The following NSUN4 variants were observed in gnomAD, a reference collection of about 807,000 sequenced individuals.
NSUN4 encodes the protein 5-cytosine rRNA methyltransferase NSUN4.
NSUN4 carries 31 observed loss-of-function variants against 43.8 expected under a neutral mutation model. That is an observed-to-expected ratio of 0.71 (90% CI 0.53 to 0.96). The LOEUF (loss-of-function observed/expected upper bound fraction) is 0.96. NSUN4 is among the 40% of genes least tolerant of loss of function. The pLI, the probability that NSUN4 is intolerant of heterozygous loss-of-function variation, is 0.00. For missense variants in NSUN4, 439 were observed against 475.6 expected (o/e 0.92, Z 0.72); for synonymous variants, 167 against 184.1 (o/e 0.91, Z 0.75).
chr1:46,380,595 G>A, the NSUN4 span, among the ~76,000 whole-genome samples: 1 of 152,200 alleles, frequency 6.6e-6, no homozygotes, highest in African/African-American at 2.4e-5. Context: ...CAGTGGATGA[G>A]GTGCTGTTCC....
At chr1:46,341,868 A>G (rs756506858) in intron 1 of NSUN4, 10 of 1,232,892 alleles carry the variant, frequency 8.1e-6, no homozygotes, top group Non-Finnish European at 1.0e-5. Context: ...TCTTCAAGGC[A>G]CGTACTGTGA....
At position 46,362,022 on chromosome 1, in the gene NSUN4, G is replaced by A. The variant is rs1451517897; in HGVS notation, c.*176G>A. 6.3e-6 allele frequency: 4 copies of A among 639,520 alleles called. No homozygotes were observed. In the Admixed American group the frequency reaches 1.2e-4, roughly 19 times the overall value. The allele number at this position is 639,520 out of a possible 1,614,324, so 39.6% of individuals were successfully genotyped here. A position where few individuals can be genotyped will look rare whatever the true frequency, so the allele number is the denominator to read the frequency against. On this transcript the variant is annotated 3_prime_UTR_variant, in exon 6 of 6. Coordinates refer to ENST00000474844, the MANE Select transcript of NSUN4 (RefSeq NM_199044.4). Reference sequence around the variant, plus strand: ...AGATTTGCTGTCCTGCTGTCCAATTGTGGAGCATCAGCAGGTTTCCAACTC... The same window carrying A: ...AGATTTGCTGTCCTGCTGTCCAATTATGGAGCATCAGCAGGTTTCCAACTC...
At position 46,348,143 on chromosome 1, in the gene NSUN4, T is replaced by C. The variant is rs180781589; in HGVS notation, c.592+1068T>C. 2.0e-3 allele frequency among the ~76,000 whole-genome samples: 305 copies of C among 152,134 alleles called. 1 individual carries two copies. The highest frequency in any genetic ancestry group is 3.5e-3 in the Non-Finnish European group (236 of 67,960). The stretch of plus-strand genomic sequence containing the variant: ...GATCTGCCCGCCTAGGCCTCCCAAA[T>C]TGCTGGGATTACAGGCATGAGCCAC... On this transcript the variant is annotated intron_variant, in intron 3 of 5. Transcript: ENST00000474844.
Position 46,345,025 on chromosome 1 carries a change from G to C in NSUN4, c.318G>C (p.Trp106Cys). 6.2e-7 allele frequency: 1 copy of C among 1,614,172 alleles called. No homozygotes were observed. The highest frequency in any genetic ancestry group is 1.1e-5 in the South Asian group (1 of 91,088). Residue 106 changes from tryptophan to cysteine, a missense_variant, in exon 2 of 6, where the codon TGG (tryptophan) becomes TGC (cysteine). Physicochemically the swap from Trp to Cys is radical, Grantham distance 215. Transcript: ENST00000474844. The part of the protein sequence containing the change: ...KDFVNEAISH[W>C]ELQSEGGQSA... ...TTGTGAATGAAGCCATCTCCCACTGGGAACTGCAGTCTGAGGGTGGCCAAT... is the reference window on the plus strand; with the variant it reads ...TTGTGAATGAAGCCATCTCCCACTGCGAACTGCAGTCTGAGGGTGGCCAAT...
intron 3 of NSUN4, among the ~76,000 whole-genome samples, chr1:46,351,009 C>G (rs1363057707): frequency 6.6e-6 from 1 of 152,208 alleles, no homozygotes; most frequent in African/African-American, 2.4e-5. Context: ...CCCAGAATTC[C>G]TATCCAATAC....
intron 3 of NSUN4, among the ~76,000 whole-genome samples, chr1:46,347,346 G>A (rs1197592998): frequency 6.6e-6 from 1 of 152,132 alleles, no homozygotes; most frequent in African/African-American, 2.4e-5. Flanking sequence ...GCTGAGGCAG[G>A]AGAATTGCTT....
At chr1:46,349,835 AT>A (rs1212431820) in intron 3 of NSUN4, among the ~76,000 whole-genome samples, 8 of 152,216 alleles carry the variant, frequency 5.3e-5, no homozygotes, top group African/African-American at 1.9e-4. Context: ...GTGGGAATCC[AT>A]TAGAAGGGAG....
intron 4 of NSUN4, among the ~76,000 whole-genome samples, 187 bp downstream of exon 4, chr1:46,353,215 A>C (rs988438690): frequency 1.3e-5 from 2 of 152,238 alleles, no homozygotes; most frequent in African/African-American, 4.8e-5. Flanking sequence ...TATTATCTCT[A>C]TTAAAGATAG....
At chr1:46,348,550 T>TA (rs1662694944) in intron 3 of NSUN4, among the ~76,000 whole-genome samples, 1 of 151,718 alleles carries the variant, frequency 6.6e-6, no homozygotes, top group African/African-American at 2.4e-5. Context: ...CCGTTTCTAT[T>TA]AAAAATACAA....
intron 1 of NSUN4, 167 bp downstream of exon 1, chr1:46,341,086 C>CT: frequency 8.4e-7 from 1 of 1,188,156 alleles, no homozygotes; most frequent in Non-Finnish European, 1.1e-6. Context: ...TGTCCGCACT[C>CT]TATGTCCCGA....
chr1:46,368,073 A>G (rs1339930787), downstream of NSUN4, among the ~76,000 whole-genome samples: 7 of 152,020 alleles, frequency 4.6e-5, no homozygotes, highest in Non-Finnish European at 1.0e-4. Flanking sequence ...CCACAATCTG[A>G]AATTCCTTTC....
At chr1:46,370,350 T>C in the NSUN4 span, among the ~76,000 whole-genome samples, 2 of 152,200 alleles carry the variant, frequency 1.3e-5, no homozygotes, top group Non-Finnish European at 2.9e-5. Flanking sequence ...TTCTGAATTA[T>C]CGCTCACAAC....
chr1:46,375,076 GAAC>G, the NSUN4 span, among the ~76,000 whole-genome samples: 1 of 152,034 alleles, frequency 6.6e-6, no homozygotes, highest in Non-Finnish European at 1.5e-5. Context: ...TAGTTTATTT[GAAC>G]AATCAACATA....
the NSUN4 span, among the ~76,000 whole-genome samples, chr1:46,377,856 C>T: frequency 2.6e-5 from 4 of 152,008 alleles, no homozygotes; most frequent in African/African-American, 9.7e-5. Context: ...AGAAACTAAC[C>T]CCATAGTTTC....
the NSUN4 span, among the ~76,000 whole-genome samples, chr1:46,375,730 CTG>C: frequency 1.3e-5 from 1 of 74,836 alleles, no homozygotes; most frequent in Non-Finnish European, 2.4e-5. Context: ...GAATGAGACT[CTG>C]TCTCAAAAAA....
the NSUN4 span, among the ~76,000 whole-genome samples, chr1:46,371,135 ATTT>A: frequency 5.3e-5 from 7 of 131,100 alleles, no homozygotes; most frequent in Admixed American, 2.4e-4. Flanking sequence ...TGCCACCTTG[ATTT>A]TTTTTTTTTT....
At chr1:46,372,547 A>G in the NSUN4 span, among the ~76,000 whole-genome samples, 34,122 of 152,072 alleles carry the variant, frequency 0.22, 4,291 homozygotes, top group Non-Finnish European at 0.29. Context: ...CCTTCTCACA[A>G]CTTAATATAG....
At chr1:46,348,680 G>A (rs72886911) in intron 3 of NSUN4, among the ~76,000 whole-genome samples, 31,397 of 129,602 alleles carry the variant, frequency 0.24, 3,999 homozygotes, top group Middle Eastern at 0.34. Flanking sequence ...TTGCACTTCC[G>A]CTTGGGCAAC....
chr1:46,377,953 A>T, the NSUN4 span, among the ~76,000 whole-genome samples: 81 of 152,366 alleles, frequency 5.3e-4, no homozygotes, highest in African/African-American at 1.8e-3. Context: ...AACAGATTTA[A>T]GGTGAGGTAT....
Sources: allele counts gnomAD v4.1 joint callset (sites outside exome capture counted in the v4.1 genomes callset), GRCh38; gene constraint gnomAD v4.1.1; transcripts MANE v1.5; gene names NCBI Gene and HGNC (gene_info 2026-07-23, HGNC 2026-07-21).